The following ENTREP2 variants were observed in gnomAD, a reference collection of about 807,000 sequenced individuals.
The protein encoded by ENTREP2 is endosomal transmembrane epsin interactor 2, also known as protein ENTREP2.
chr15:29,269,463 G>A, the ENTREP2 span: 16 of 1,613,248 alleles, frequency 9.9e-6, no homozygotes, highest in African/African-American at 2.0e-4. Context: ...GCTGCTTCTG[G>A]CTCCTGGGCC....
chr15:29,253,309 G>A, the ENTREP2 span, among the ~76,000 whole-genome samples: 1,239 of 152,250 alleles, frequency 8.1e-3, 16 homozygotes, highest in African/African-American at 0.028. Flanking sequence ...TTGTCCTAAA[G>A]AGTTTCTTAC....
the ENTREP2 span, among the ~76,000 whole-genome samples, chr15:29,457,505 T>C: frequency 1.3e-5 from 2 of 152,120 alleles, no homozygotes; most frequent in Non-Finnish European, 2.9e-5. Flanking sequence ...TGGTGCCTGC[T>C]GGAAAGGGGC....
chr15:29,441,185 G>A, the ENTREP2 span, among the ~76,000 whole-genome samples: 1,278 of 152,304 alleles, frequency 8.4e-3, 22 homozygotes, highest in African/African-American at 0.028. Context: ...TGAGGACACT[G>A]TGCTGAGCAA....
At chr15:29,209,537 A>G in the ENTREP2 span, among the ~76,000 whole-genome samples, 1 of 152,170 alleles carries the variant, frequency 6.6e-6, no homozygotes, top group Non-Finnish European at 1.5e-5. Flanking sequence ...AATACACAGT[A>G]GTCCAGGGGA....
the ENTREP2 span, among the ~76,000 whole-genome samples, chr15:29,141,073 G>A: frequency 6.6e-6 from 1 of 152,214 alleles, no homozygotes; most frequent in East Asian, 1.9e-4. Context: ...ACCTTCTCAG[G>A]TGGGTGCACG....
the ENTREP2 span, among the ~76,000 whole-genome samples, chr15:29,430,784 C>T: frequency 3.9e-5 from 6 of 152,130 alleles, no homozygotes; most frequent in East Asian, 1.9e-4. Context: ...ATTTAATTAT[C>T]CTGGAGACCA....
the ENTREP2 span, among the ~76,000 whole-genome samples, chr15:29,147,016 T>A: frequency 6.6e-6 from 1 of 151,590 alleles, no homozygotes; most frequent in Non-Finnish European, 1.5e-5. Flanking sequence ...CTTTCTTAGA[T>A]GTGACACCAG....
the ENTREP2 span, among the ~76,000 whole-genome samples, chr15:29,562,706 G>T: frequency 6.6e-6 from 1 of 152,124 alleles, no homozygotes; most frequent in African/African-American, 2.4e-5. Flanking sequence ...AAATGACTAG[G>T]ACTTTTTACC....
the ENTREP2 span, among the ~76,000 whole-genome samples, chr15:29,224,876 A>C: frequency 3.8e-3 from 572 of 152,278 alleles, 1 homozygote; most frequent in African/African-American, 0.013. Context: ...CCCGCAGCAC[A>C]GGAGCCCACG....
the ENTREP2 span, among the ~76,000 whole-genome samples, chr15:29,555,412 G>C: frequency 1.3e-5 from 2 of 152,144 alleles, no homozygotes; most frequent in East Asian, 3.8e-4. Flanking sequence ...TTGGTACTCT[G>C]TATTTCCAAA....
At chr15:29,223,326 G>T in the ENTREP2 span, among the ~76,000 whole-genome samples, 3 of 151,418 alleles carry the variant, frequency 2.0e-5, no homozygotes, top group Non-Finnish European at 4.4e-5. Context: ...CTGGGCTGGA[G>T]AGAGTTTGTC....
the ENTREP2 span, among the ~76,000 whole-genome samples, chr15:29,504,730 C>T: frequency 6.6e-6 from 1 of 152,208 alleles, no homozygotes; most frequent in African/African-American, 2.4e-5. Flanking sequence ...AGATCAAACT[C>T]ACCAACAAAG....
At chr15:29,582,660 A>AT in the ENTREP2 span, among the ~76,000 whole-genome samples, 132 of 150,984 alleles carry the variant, frequency 8.7e-4, 1 homozygote, top group Middle Eastern at 6.9e-3. Context: ...TTATTTTATT[A>AT]TTTTTTTTTG....
At chr15:29,431,936 G>A in the ENTREP2 span, among the ~76,000 whole-genome samples, 22 of 152,228 alleles carry the variant, frequency 1.4e-4, no homozygotes, top group African/African-American at 4.1e-4. Flanking sequence ...TGGAAACGCC[G>A]TGGCATTTGC....
At chr15:29,584,521 A>G in the ENTREP2 span, among the ~76,000 whole-genome samples, 1 of 152,196 alleles carries the variant, frequency 6.6e-6, no homozygotes, top group East Asian at 1.9e-4. Context: ...TTGCAACAAC[A>G]TATATGAACA....
chr15:29,413,084 T>C, the ENTREP2 span, among the ~76,000 whole-genome samples: 1 of 152,156 alleles, frequency 6.6e-6, no homozygotes, highest in Non-Finnish European at 1.5e-5. Flanking sequence ...ATTTATCCTT[T>C]TGTTATTTAT....
the ENTREP2 span, among the ~76,000 whole-genome samples, chr15:29,606,899 C>T: frequency 2.6e-5 from 4 of 152,002 alleles, no homozygotes; most frequent in South Asian, 2.1e-4. Context: ...AGTGGTACAA[C>T]CTCAGCTAAC....
chr15:29,480,867 GCGAGACAAGGGGACCAC>G, the ENTREP2 span, among the ~76,000 whole-genome samples: 5 of 152,174 alleles, frequency 3.3e-5, no homozygotes. Flanking sequence ...CAATGTGGAG[GCGAGACAAGGGGACCAC>G]CATGGGAAGG....
chr15:29,204,340 C>T, the ENTREP2 span, among the ~76,000 whole-genome samples: 1 of 152,168 alleles, frequency 6.6e-6, no homozygotes, highest in Non-Finnish European at 1.5e-5. Flanking sequence ...GATTCTCTTA[C>T]AGAAGTACAA....
Sources: allele counts gnomAD v4.1 joint callset (sites outside exome capture counted in the v4.1 genomes callset), GRCh38; gene constraint gnomAD v4.1.1; transcripts MANE v1.5; gene names NCBI Gene and HGNC (gene_info 2026-07-23, HGNC 2026-07-21).